The following BPTF variants were observed in gnomAD, a reference collection of about 807,000 sequenced individuals.
The protein encoded by BPTF is nucleosome-remodeling factor subunit BPTF.
A neutral mutation model predicts 292.5 loss-of-function variants in BPTF; 18 were observed. The observed-to-expected ratio is 0.06, with a 90% CI of 0.04 to 0.09. BPTF has a LOEUF of 0.09. Among genes scored for constraint, BPTF ranks in the 10% least tolerant of loss-of-function variants. The pLI, the probability that BPTF is intolerant of heterozygous loss-of-function variation, is 1.00. For synonymous variants in BPTF, 1,225 were observed against 1,251.9 expected, an observed-to-expected ratio of 0.98 and a Z score of 0.45; for missense variants, 2,726 against 3,498.7, an observed-to-expected ratio of 0.78 and a Z score of 5.57.
intron 26 of BPTF, among the ~76,000 whole-genome samples, chr17:67,972,338 C>T (rs911056853): frequency 4.6e-5 from 7 of 152,062 alleles, no homozygotes; most frequent in Admixed American, 1.3e-4. Flanking sequence ...CGGGTTCAAC[C>T]GATTCTTCCA....
At chr17:67,952,866 CT>C (rs1172340754) in intron 23 of BPTF, among the ~76,000 whole-genome samples, 3 of 152,202 alleles carry the variant, frequency 2.0e-5, no homozygotes, top group African/African-American at 4.8e-5. Flanking sequence ...CTCTTTCCCC[CT>C]GTGCTAGTCT....
chr17:67,873,016 G>A (rs2059839758), intron 3 of BPTF, among the ~76,000 whole-genome samples: 1 of 152,180 alleles, frequency 6.6e-6, no homozygotes, highest in Admixed American at 6.5e-5. Context: ...GAGTCTAGGA[G>A]TTCAAGGTTA....
At chr17:67,844,773 C>T (rs768756792) in intron 1 of BPTF, among the ~76,000 whole-genome samples, 9 of 150,976 alleles carry the variant, frequency 6.0e-5, no homozygotes, top group Non-Finnish European at 7.4e-5. Flanking sequence ...GACGGAGTTT[C>T]ACTCTTGTTG....
At chr17:67,940,798 A>G (rs2065300479) in intron 19 of BPTF, 142 bp downstream of exon 19, 2 of 869,828 alleles carry the variant, frequency 2.3e-6, no homozygotes, top group Non-Finnish European at 3.5e-6. Context: ...AAGCAGAAAT[A>G]CCTCTTAGAC....
chr17:67,948,188 G>C lies in BPTF; in HGVS notation c.7808G>C (p.Arg2603Pro), dbSNP rs782273038. 6.2e-7 allele frequency: 1 copy of C among 1,614,040 alleles called. No individual in the cohort carries two copies. Among genetic ancestry groups the C allele is most frequent in the Non-Finnish European group, 8.5e-7 (1 of 1,180,034 alleles). ...RKREESVEQK[R>P]SKQNATKLSA... Reference sequence around the variant, plus strand: ...CGTGAAGAGAGTGTGGAGCAGAAACGTAGCAAGCAGAATGCCACTAAGCTG... The same window carrying C: ...CGTGAAGAGAGTGTGGAGCAGAAACCTAGCAAGCAGAATGCCACTAAGCTG... The change falls in exon 23 of 28, where the codon CGT becomes CCT. Residue 2603 changes from arginine (R) to proline (P), a missense_variant. Physicochemically the swap from Arg to Pro is moderately radical, Grantham distance 103 (BLOSUM62 -2). This residue lies in a region of BPTF where 26 missense variants were observed against 60.6 expected (regional missense o/e 0.43). Coordinates refer to ENST00000306378, the MANE Select transcript of BPTF (RefSeq NM_182641.4).
intron 18 of BPTF, among the ~76,000 whole-genome samples, chr17:67,934,971 T>C (rs2064791132): frequency 6.6e-6 from 1 of 151,838 alleles, no homozygotes; most frequent in Non-Finnish European, 1.5e-5. Context: ...AATAGCAGCC[T>C]TAAGCCTTGA....
At chr17:67,829,027 A>G (rs1712520221) in intron 1 of BPTF, among the ~76,000 whole-genome samples, 1 of 152,224 alleles carries the variant, frequency 6.6e-6, no homozygotes, top group Non-Finnish European at 1.5e-5. Context: ...TGAAGTTTTG[A>G]TAACTCTACA....
chr17:67,910,847 T>A, intron 10 of BPTF, 30 bp from the exon 11 acceptor site: 1 of 1,432,378 alleles, frequency 7.0e-7, no homozygotes, highest in Non-Finnish European at 9.3e-7. Flanking sequence ...GAGTAAAAAT[T>A]ACATTTATAT....
rs2064107115 is a variant in BPTF, at chr17:67,928,545, A to G, written c.5942A>G (p.Asn1981Ser). 6.2e-7 allele frequency: 1 copy of G among 1,614,120 alleles called. No individual in the cohort carries two copies. The highest frequency in any genetic ancestry group is 1.3e-5 in the African/African-American group (1 of 74,954). The change falls in exon 16 of 28, where the codon AAC becomes AGC. Residue 1981 changes from asparagine to serine, a missense_variant. Transcript: ENST00000306378. ...CCAGCTACAGTAACATTCCAACAAA[A>G]CAAGAACTTTCATCAAACCTTTGCT... ...GSPATVTFQQ[N>S]KNFHQTFATW... is the part of the protein sequence containing the mutation.
intron 18 of BPTF, among the ~76,000 whole-genome samples, chr17:67,933,494 A>C (rs1457174959): frequency 4.6e-5 from 7 of 151,986 alleles, no homozygotes; most frequent in Non-Finnish European, 1.5e-5. Context: ...GCTTGAGCCC[A>C]GACATTGGAG....
intron 26 of BPTF, among the ~76,000 whole-genome samples, chr17:67,973,052 T>C (rs568163284): frequency 2.0e-3 from 283 of 144,442 alleles, no homozygotes; most frequent in African/African-American, 6.8e-3. Flanking sequence ...TATATATATA[T>C]TTTATATATA....
At chr17:67,968,786 CAA>C (rs71142117) in intron 26 of BPTF, among the ~76,000 whole-genome samples, 1 of 137,668 alleles carries the variant, frequency 7.3e-6, no homozygotes, top group African/African-American at 2.8e-5. Context: ...AGACACGTCT[CAA>C]AAAAAAAAAA....
At chr17:67,869,290 CAA>C (rs771285162) in intron 3 of BPTF, among the ~76,000 whole-genome samples, 6 of 151,526 alleles carry the variant, frequency 4.0e-5, no homozygotes, top group African/African-American at 9.7e-5. Context: ...ATAGAAAAAA[CAA>C]AAAAATATTT....
chr17:67,934,212 G>T (rs1312848079), intron 18 of BPTF, among the ~76,000 whole-genome samples: 1 of 151,842 alleles, frequency 6.6e-6, no homozygotes, highest in Non-Finnish European at 1.5e-5. Flanking sequence ...GCTGTAACAA[G>T]ATGTGTTAGG....
In BPTF at chr17:67,912,780, G is replaced by T; in HGVS notation, c.4896G>T (p.Val1632=). The change falls in exon 11 of 28, where the codon GTG becomes GTT. Residue 1632 remains valine (V), a synonymous_variant. Transcript: ENST00000306378. ...KSTVTTTTTT[V]TKLSTPSTGG... ...CTGTCACAACCACCACTACAACAGT[G>T]ACCAAGCTTTCCACACCCTCCACAG... The T allele has an allele frequency of 6.2e-7, 1 of 1,614,044 alleles. No individual in the cohort carries two copies. Among genetic ancestry groups the T allele is most frequent in the South Asian group, 1.1e-5 (1 of 91,046 alleles).
chr17:67,825,543 G>A lies in BPTF; in HGVS notation c.-182G>A, dbSNP rs1212823833. The A allele has an allele frequency of 9.4e-6, 4 of 427,210 alleles. No individual in the cohort carries two copies. Among genetic ancestry groups the A allele is most frequent in the African/African-American group, 4.3e-5 (2 of 46,174 alleles). 26.5% of individuals were successfully genotyped at this position (427,210 alleles called of 1,614,324 possible). ...GGGAAGAAACAAGATGGCGGCTGAA[G>A]GCGATCCGGAGTGGGGCCCCAGCAA... On this transcript the variant is annotated 5_prime_UTR_variant, in exon 1 of 28. Coordinates refer to ENST00000306378, the MANE Select transcript of BPTF (RefSeq NM_182641.4).
At chr17:67,947,683 G>A in intron 21 of BPTF, 43 bp from the exon 22 acceptor site, 1 of 1,462,974 alleles carries the variant, frequency 6.8e-7, no homozygotes, top group Non-Finnish European at 9.3e-7. Flanking sequence ...CTAACCTGTG[G>A]TGATTATAAA....
At chr17:67,836,154 C>T (rs1379807609) in intron 1 of BPTF, among the ~76,000 whole-genome samples, 1 of 152,146 alleles carries the variant, frequency 6.6e-6, no homozygotes, top group Non-Finnish European at 1.5e-5. Flanking sequence ...CTGGGTTCTC[C>T]TGTATAAAAC....
At chr17:67,857,616 G>A (rs2058781092) in intron 2 of BPTF, among the ~76,000 whole-genome samples, 2 of 151,600 alleles carry the variant, frequency 1.3e-5, no homozygotes, top group Non-Finnish European at 1.5e-5. Context: ...ACAGGTGTGT[G>A]CTACCATGCC....
Sources: gnomAD v4.1 joint callset for allele counts (sites outside exome capture counted in the v4.1 genomes callset) on GRCh38, gnomAD v4.1.1 for gene constraint, gnomAD v4.1.1 regional missense constraint, MANE v1.5 for transcripts, NCBI Gene and HGNC (gene_info 2026-07-23, HGNC 2026-07-21) for gene names.